The following SH3YL1 variants were observed in gnomAD, a reference collection of about 807,000 sequenced individuals.
SH3YL1 encodes SH3 and SYLF domain containing 1.
SH3YL1 carries 41 observed loss-of-function variants against 45.8 expected under a neutral mutation model. That is an observed-to-expected ratio of 0.89 (90% CI 0.70 to 1.16). SH3YL1 has a LOEUF of 1.16. SH3YL1 is among the 50% of genes most tolerant of loss of function. SH3YL1 has a pLI of 0.00. For synonymous variants in SH3YL1, 152 were observed against 151.4 expected (o/e 1.00, Z -0.03); for missense variants, 389 against 409.6 (o/e 0.95, Z 0.43).
chr2:230,164 G>T, intron 7 of SH3YL1, 120 bp from the exon 8 acceptor site: 1 of 664,398 alleles, frequency 1.5e-6, no homozygotes, highest in Non-Finnish European at 2.6e-6. Context: ...TTATTAATGT[G>T]GCACTCTCAA....
intron 4 of SH3YL1, chr2:243,000 A>G (rs1197386780): frequency 6.9e-6 from 4 of 576,006 alleles, no homozygotes; most frequent in South Asian, 1.2e-4. Flanking sequence ...ATACAAGCAC[A>G]TAATATCGGA....
chr2:228,057 T>C (rs913367647), intron 8 of SH3YL1, among the ~76,000 whole-genome samples: 7 of 152,202 alleles, frequency 4.6e-5, no homozygotes, highest in South Asian at 2.1e-4. Context: ...ACTTGAGAGA[T>C]ACAGCACATG....
At chr2:242,403 C>T (rs1160718779) in intron 4 of SH3YL1, among the ~76,000 whole-genome samples, 1 of 151,648 alleles carries the variant, frequency 6.6e-6, no homozygotes, top group Non-Finnish European at 1.5e-5. Flanking sequence ...AAAACTAGAA[C>T]CATATGAGAG....
intron 1 of SH3YL1, chr2:256,520 C>G (rs1234056584): frequency 2.6e-5 from 4 of 152,060 alleles, no homozygotes; most frequent in Non-Finnish European, 5.9e-5. Context: ...GGTGAAACCC[C>G]ATTTCTACTA....
chr2:246,961 GC>G (rs1668842161), intron 4 of SH3YL1, among the ~76,000 whole-genome samples: 1 of 152,120 alleles, frequency 6.6e-6, no homozygotes, highest in Non-Finnish European at 1.5e-5. Flanking sequence ...CAATTTCCAG[GC>G]CCTTGCAAAA....
At chr2:252,513 T>C (rs1669114174) in intron 2 of SH3YL1, among the ~76,000 whole-genome samples, 1 of 152,164 alleles carries the variant, frequency 6.6e-6, no homozygotes, top group African/African-American at 2.4e-5. Flanking sequence ...CCTGCTGGTT[T>C]GCCTGGTCTG....
At chr2:255,579 A>C (rs1455052925) in intron 1 of SH3YL1, among the ~76,000 whole-genome samples, 1 of 152,236 alleles carries the variant, frequency 6.6e-6, no homozygotes, top group Non-Finnish European at 1.5e-5. Context: ...CCTGGGCAAC[A>C]GGGCAAAGCC....
chr2:240,610 C>T (rs1381830148), intron 4 of SH3YL1: 1 of 152,160 alleles, frequency 6.6e-6, no homozygotes, highest in Admixed American at 6.5e-5. Context: ...ACTACCTGTG[C>T]ACAGGAGCAC....
intron 5 of SH3YL1, 38 bp from the exon 6 acceptor site, chr2:233,267 C>A (rs1475751493): frequency 6.7e-7 from 1 of 1,496,662 alleles, no homozygotes; most frequent in Non-Finnish European, 9.0e-7. Flanking sequence ...AAGCTGTGAG[C>A]AGCTCCAAGC....
intron 4 of SH3YL1, among the ~76,000 whole-genome samples, chr2:234,868 T>C (rs1668217246): frequency 6.6e-6 from 1 of 152,164 alleles, no homozygotes. Flanking sequence ...CCTATTTCCA[T>C]GACTTAATTT....
intron 4 of SH3YL1, among the ~76,000 whole-genome samples, chr2:239,362 G>A (rs1398143895): frequency 1.3e-5 from 2 of 152,144 alleles, no homozygotes; most frequent in Non-Finnish European, 2.9e-5. Flanking sequence ...TGTTTGGAAG[G>A]TCAGATGAAG....
At chr2:249,059 T>C (rs1049711105) in intron 3 of SH3YL1, among the ~76,000 whole-genome samples, 1 of 152,318 alleles carries the variant, frequency 6.6e-6, no homozygotes, top group South Asian at 2.1e-4. Flanking sequence ...CTGCTACTAA[T>C]AGAAAAACGT....
chr2:218,871 C>T lies in SH3YL1; in HGVS notation c.969G>A (p.Trp323Ter), dbSNP rs1667461866. 1.2e-6 allele frequency: 2 copies of T among 1,613,878 alleles called. No individual in the cohort carries two copies. Among genetic ancestry groups the T allele is most frequent in the Middle Eastern group, 1.7e-4 (1 of 6,060 alleles). Residue 323 changes from tryptophan to a stop codon, truncating the protein, a stop_gained, in exon 10 of 10, where the codon TGG becomes TGA. Transcript: ENST00000356150. LOFTEE classifies it high-confidence loss of function. ...ISKTDSHFDW[W>*]EGKLRGQTGI... ...CAGTTTGACCTCGAAGTTTTCCTTCCCACCAATCAAAATGTGAATCTGTTT... is the reference window on the plus strand; with the variant it reads ...CAGTTTGACCTCGAAGTTTTCCTTCTCACCAATCAAAATGTGAATCTGTTT...
chr2:238,279 G>A (rs947100953), intron 4 of SH3YL1, among the ~76,000 whole-genome samples: 1 of 151,578 alleles, frequency 6.6e-6, no homozygotes, highest in African/African-American at 2.4e-5. Context: ...GTGTGTGTGT[G>A]TGTGTGTGTG....
chr2:243,534 T>C, intron 4 of SH3YL1: 1 of 1,542,272 alleles, frequency 6.5e-7, no homozygotes, highest in African/African-American at 1.4e-5. Flanking sequence ...AGGGCAATGC[T>C]CAGAGGGAAT....
chr2:238,044 T>G (rs1016381854), intron 4 of SH3YL1, among the ~76,000 whole-genome samples: 1 of 152,096 alleles, frequency 6.6e-6, no homozygotes, highest in Non-Finnish European at 1.5e-5. Flanking sequence ...CCCACACAGC[T>G]GAGTCCCGGG....
chr2:260,845 G>A (rs1669561735), intron 1 of SH3YL1: 1 of 152,244 alleles, frequency 6.6e-6, no homozygotes, highest in Non-Finnish European at 1.5e-5. Context: ...AAATTCCTCA[G>A]TTGAGAGTTA....
rs114404638 is a variant in SH3YL1 at position 248,532 on chromosome 2, C to T, written c.227-930G>A. 2.4e-3 allele frequency among the ~76,000 whole-genome samples: 368 copies of T among 152,304 alleles called. 2 individuals carry two copies. The highest frequency in any genetic ancestry group is 6.8e-3 in the Middle Eastern group (2 of 294). On this transcript the variant is annotated intron_variant, in intron 3 of 9. Transcript: ENST00000356150. ...TGGACAGTTTTTAAATTACTCTCAG[C>T]AGAGTCAGCAGCTGCAGCTCAGGAA...
At chr2:242,927 G>T (rs1668610152) in intron 4 of SH3YL1, 1 of 1,107,750 alleles carries the variant, frequency 9.0e-7, no homozygotes, top group Admixed American at 3.7e-5. Context: ...ATATTATAAT[G>T]ATAAAATGGT....
Sources: gnomAD v4.1 joint callset for allele counts (sites outside exome capture counted in the v4.1 genomes callset) on GRCh38, gnomAD v4.1.1 for gene constraint, MANE v1.5 for transcripts, NCBI Gene and HGNC (gene_info 2026-07-23, HGNC 2026-07-21) for gene names.